The following PLCXD3 variants were observed in gnomAD, a reference collection of about 807,000 sequenced individuals.
PLCXD3 encodes the protein PI-PLC X domain-containing protein 3.
A neutral mutation model predicts 25.5 loss-of-function variants in PLCXD3; 19 were observed. The observed-to-expected ratio is 0.75, with a 90% CI of 0.52 to 1.09. PLCXD3 has a LOEUF of 1.09. Ranked by LOEUF, PLCXD3 falls within the 50% of genes least tolerant of loss-of-function variation. PLCXD3 has a pLI of 0.00. For synonymous variants in PLCXD3, 174 were observed against 137.6 expected, an observed-to-expected ratio of 1.26 and a Z score of -1.85; for missense variants, 411 against 388.1, an observed-to-expected ratio of 1.06 and a Z score of -0.50.
At chr5:41,504,704 G>A (rs2111591799) in intron 1 of PLCXD3, among the ~76,000 whole-genome samples, 1 of 152,288 alleles carries the variant, frequency 6.6e-6, no homozygotes, top group African/African-American at 2.4e-5. Context: ...ATATGTCAAA[G>A]GAGCAAAGGT....
chr5:41,391,710 A>T (rs562148390), intron 1 of PLCXD3, among the ~76,000 whole-genome samples: 22 of 152,324 alleles, frequency 1.4e-4, no homozygotes, highest in African/African-American at 5.1e-4. Context: ...CTTAGGTGCC[A>T]GCAGAGCCAC....
rs540728055 is a variant in PLCXD3 at position 41,427,085 on chromosome 5, A to C, written c.104-44551T>G. ...TTTGCAATTACACTACAATGTTTCC[A>C]TGTGGATAAATTTTTTGTTTTCCTT... On this transcript the variant is annotated intron_variant, in intron 1 of 2. Transcript: ENST00000377801. 1.8e-3 allele frequency among the ~76,000 whole-genome samples: 274 copies of C among 152,216 alleles called. 1 individual carries two copies. The highest frequency in any genetic ancestry group is 3.2e-3 in the Non-Finnish European group (220 of 67,960).
At chr5:41,315,086 T>A (rs1347668958) in intron 2 of PLCXD3, among the ~76,000 whole-genome samples, 1 of 152,114 alleles carries the variant, frequency 6.6e-6, no homozygotes. Context: ...AGAATCATGG[T>A]GTGTGCTTAG....
intron 2 of PLCXD3, among the ~76,000 whole-genome samples, chr5:41,326,388 A>T (rs1198728315): frequency 6.6e-6 from 1 of 152,072 alleles, no homozygotes; most frequent in East Asian, 1.9e-4. Flanking sequence ...ATTCCTCTTC[A>T]TGAACAACTA....
chr5:41,447,519 C>G (rs1447894627), intron 1 of PLCXD3, among the ~76,000 whole-genome samples: 1 of 152,100 alleles, frequency 6.6e-6, no homozygotes, highest in Non-Finnish European at 1.5e-5. Flanking sequence ...GAGACAGAAC[C>G]AGTACACTCA....
chr5:41,447,219 T>A (rs1747524671), intron 1 of PLCXD3, among the ~76,000 whole-genome samples: 1 of 152,174 alleles, frequency 6.6e-6, no homozygotes, highest in Non-Finnish European at 1.5e-5. Flanking sequence ...GTTGCCCTTT[T>A]TTACTCATTG....
chr5:41,438,816 A>C (rs546617526), intron 1 of PLCXD3, among the ~76,000 whole-genome samples: 2 of 152,208 alleles, frequency 1.3e-5, no homozygotes, highest in South Asian at 2.1e-4. Flanking sequence ...AAAAAAAAAA[A>C]AACTTTACAA....
intron 1 of PLCXD3, among the ~76,000 whole-genome samples, chr5:41,425,267 C>T (rs1006643201): frequency 6.6e-6 from 1 of 151,956 alleles, no homozygotes; most frequent in African/African-American, 2.4e-5. Context: ...CAGTGTGTCT[C>T]ATATAATATA....
intron 1 of PLCXD3, among the ~76,000 whole-genome samples, chr5:41,486,824 C>T (rs575745101): frequency 2.2e-4 from 34 of 152,180 alleles, no homozygotes; most frequent in Admixed American, 3.9e-4. Flanking sequence ...CTGTACTCAT[C>T]TCAATTTTAG....
chr5:41,316,863 T>G (rs1048340747), intron 2 of PLCXD3, among the ~76,000 whole-genome samples: 3 of 152,184 alleles, frequency 2.0e-5, no homozygotes, highest in African/African-American at 7.2e-5. Context: ...GATAAATTTC[T>G]AAGGTTTTTG....
intron 1 of PLCXD3, among the ~76,000 whole-genome samples, chr5:41,410,627 A>G (rs1746491769): frequency 1.3e-5 from 2 of 152,130 alleles, no homozygotes; most frequent in Non-Finnish European, 2.9e-5. Flanking sequence ...TACCCAGGCC[A>G]TCTGAAGGAG....
At chr5:41,376,256 A>G (rs1265809231) in intron 2 of PLCXD3, among the ~76,000 whole-genome samples, 1 of 152,114 alleles carries the variant, frequency 6.6e-6, no homozygotes, top group Non-Finnish European at 1.5e-5. Context: ...CACTGTCAGT[A>G]GGGCTGAAGT....
intron 1 of PLCXD3, among the ~76,000 whole-genome samples, chr5:41,500,746 C>T (rs1444795166): frequency 6.6e-6 from 1 of 151,676 alleles, no homozygotes; most frequent in Non-Finnish European, 1.5e-5. Context: ...AACTAAAAAG[C>T]CTCTCTGCAG....
chr5:41,446,125 TTGCAG>T (rs1379942757), intron 1 of PLCXD3, among the ~76,000 whole-genome samples: 1 of 127,004 alleles, frequency 7.9e-6, no homozygotes, highest in African/African-American at 2.9e-5. Context: ...GAGGCGGAGC[TTGCAG>T]TGCGCCACAG....
chr5:41,427,439 T>A (rs1405271795), intron 1 of PLCXD3, among the ~76,000 whole-genome samples: 1 of 152,164 alleles, frequency 6.6e-6, no homozygotes, highest in Non-Finnish European at 1.5e-5. Flanking sequence ...ATTTTTAGTA[T>A]TTTCTTTATC....
intron 2 of PLCXD3, among the ~76,000 whole-genome samples, chr5:41,337,918 A>T (rs1029741311): frequency 6.6e-6 from 1 of 152,122 alleles, no homozygotes. Context: ...TCTCTTCATT[A>T]TATCTTTGGG....
chr5:41,470,782 G>T (rs1252128918), intron 1 of PLCXD3, among the ~76,000 whole-genome samples: 1 of 151,918 alleles, frequency 6.6e-6, no homozygotes, highest in East Asian at 1.9e-4. Context: ...AAAAAGAAAA[G>T]AAAAAGAAAA....
intron 1 of PLCXD3, among the ~76,000 whole-genome samples, chr5:41,418,436 T>C (rs1409981766): frequency 6.6e-6 from 1 of 152,204 alleles, no homozygotes; most frequent in Non-Finnish European, 1.5e-5. Flanking sequence ...CACAGCCTTA[T>C]GTGAAAGCAG....
chr5:41,375,303 C>CT (rs1745257672), intron 2 of PLCXD3, among the ~76,000 whole-genome samples: 2 of 152,120 alleles, frequency 1.3e-5, no homozygotes, highest in Admixed American at 1.3e-4. Flanking sequence ...GCAGTGCAGA[C>CT]TGAAAGCCCT....
Sources: gnomAD v4.1 joint callset for allele counts (sites outside exome capture counted in the v4.1 genomes callset) on GRCh38, gnomAD v4.1.1 for gene constraint, MANE v1.5 for transcripts, NCBI Gene and HGNC (gene_info 2026-07-23, HGNC 2026-07-21) for gene names.